The following ATXN1 variants were observed in gnomAD, a reference collection of about 807,000 sequenced individuals.
The protein encoded by ATXN1 is ataxin-1.
ATXN1 carries 8 observed loss-of-function variants against 56.4 expected under a neutral mutation model. That is an observed-to-expected ratio of 0.14 (90% CI 0.08 to 0.26). The LOEUF is 0.26. Ranked by LOEUF, ATXN1 falls within the 10% of genes least tolerant of loss-of-function variation. The pLI is 1.00. For missense variants in ATXN1, 987 were observed against 1,106.5 expected (o/e 0.89, Z 1.53); for synonymous variants, 514 against 494.6 (o/e 1.04, Z -0.52).
chr6:16,673,014 C>T (rs1758577090), intron 2 of ATXN1, among the ~76,000 whole-genome samples: 1 of 122,422 alleles, frequency 8.2e-6, no homozygotes, highest in South Asian at 3.0e-4. Context: ...CTCCGTTCCC[C>T]CCCGCCAAAA....
intron 6 of ATXN1, among the ~76,000 whole-genome samples, chr6:16,454,304 T>C (rs973354326): frequency 3.9e-5 from 6 of 152,082 alleles, no homozygotes; most frequent in African/African-American, 1.2e-4. Context: ...TTCAAAATCA[T>C]TGTTTTCCCC....
intron 3 of ATXN1, among the ~76,000 whole-genome samples, chr6:16,587,930 TAA>T (rs774400213): frequency 1.5e-4 from 19 of 128,742 alleles, no homozygotes; most frequent in Admixed American, 3.2e-4. Flanking sequence ...GAACTCTGTC[TAA>T]AAAAAAAAAA....
intron 2 of ATXN1, among the ~76,000 whole-genome samples, chr6:16,679,440 G>A (rs531200187): frequency 2.0e-5 from 3 of 152,286 alleles, no homozygotes; most frequent in African/African-American, 7.2e-5. Context: ...GGAAAAAAGG[G>A]AGAAAGGGGG....
intron 3 of ATXN1, among the ~76,000 whole-genome samples, chr6:16,595,260 C>CTA (rs1355924983): frequency 6.6e-6 from 1 of 152,192 alleles, no homozygotes; most frequent in African/African-American, 2.4e-5. Flanking sequence ...TTTTGCCAGA[C>CTA]TTAGGCTTAA....
At chr6:16,458,050 G>A (rs902054912) in intron 6 of ATXN1, among the ~76,000 whole-genome samples, 3 of 152,240 alleles carry the variant, frequency 2.0e-5, no homozygotes, top group Non-Finnish European at 4.4e-5. Context: ...GAGATGTCAT[G>A]CTATTGTTAG....
At chr6:16,442,159 C>T (rs1759530631) in intron 6 of ATXN1, among the ~76,000 whole-genome samples, 2 of 152,130 alleles carry the variant, frequency 1.3e-5, no homozygotes. Context: ...AGGCTTCATG[C>T]TAAAAGTCAG....
At chr6:16,530,130 A>G (rs1437307061) in intron 4 of ATXN1, among the ~76,000 whole-genome samples, 3 of 152,216 alleles carry the variant, frequency 2.0e-5, no homozygotes. Context: ...ATAAATATAA[A>G]AATAAGGAAA....
At chr6:16,480,464 T>C (rs2113649595) in intron 6 of ATXN1, among the ~76,000 whole-genome samples, 1 of 152,128 alleles carries the variant, frequency 6.6e-6, no homozygotes, top group Non-Finnish European at 1.5e-5. Flanking sequence ...CGCTGACAAC[T>C]CTTACCCATC....
At chr6:16,699,773 G>C (rs1271809111) in intron 2 of ATXN1, among the ~76,000 whole-genome samples, 1 of 148,072 alleles carries the variant, frequency 6.8e-6, no homozygotes, top group South Asian at 2.1e-4. Context: ...ATGATTCTGA[G>C]TAAGAATCAA....
chr6:16,424,782 G>A (rs1177211490), intron 6 of ATXN1, among the ~76,000 whole-genome samples: 2 of 152,194 alleles, frequency 1.3e-5, no homozygotes, highest in Non-Finnish European at 2.9e-5. Flanking sequence ...GGAAATGTGG[G>A]TGCTCCATGA....
intron 2 of ATXN1, among the ~76,000 whole-genome samples, chr6:16,706,672 C>T (rs186488492): frequency 2.7e-5 from 4 of 148,158 alleles, no homozygotes; most frequent in South Asian, 2.1e-4. Context: ...TGCAGGGAGC[C>T]GAGATTGCAC....
At chr6:16,384,802 G>A (rs1302018439) in intron 6 of ATXN1, among the ~76,000 whole-genome samples, 1 of 152,138 alleles carries the variant, frequency 6.6e-6, no homozygotes, top group Non-Finnish European at 1.5e-5. Context: ...GGCCTCCCCA[G>A]CCATGTTTCC....
intron 6 of ATXN1, among the ~76,000 whole-genome samples, chr6:16,387,761 T>TA (rs1561876484): frequency 6.6e-6 from 1 of 152,204 alleles, no homozygotes; most frequent in Non-Finnish European, 1.5e-5. Flanking sequence ...TCCTTCCACA[T>TA]AAAATATCGA....
chr6:16,472,616 C>T (rs1298512916), intron 6 of ATXN1, among the ~76,000 whole-genome samples: 1 of 152,220 alleles, frequency 6.6e-6, no homozygotes. Context: ...TCACACACTT[C>T]TTTATCAGTC....
intron 6 of ATXN1, among the ~76,000 whole-genome samples, chr6:16,336,323 G>C (rs1254244970): frequency 1.3e-5 from 2 of 152,180 alleles, no homozygotes; most frequent in African/African-American, 4.8e-5. Context: ...TGTAGAAAAG[G>C]GACAGAATGC....
chr6:16,666,727 C>T (rs943304778), intron 2 of ATXN1: 1 of 152,066 alleles, frequency 6.6e-6, no homozygotes, highest in Admixed American at 6.6e-5. Flanking sequence ...GATGGTCTTG[C>T]TCTCCTGACT....
At chr6:16,726,936 C>T (rs1759863431) in intron 2 of ATXN1, among the ~76,000 whole-genome samples, 1 of 152,176 alleles carries the variant, frequency 6.6e-6, no homozygotes, top group Non-Finnish European at 1.5e-5. Context: ...ATATGGAGTA[C>T]AATTAGACAC....
intron 3 of ATXN1, among the ~76,000 whole-genome samples, chr6:16,613,250 C>T (rs1289997681): frequency 1.4e-4 from 16 of 115,678 alleles, no homozygotes; most frequent in African/African-American, 5.2e-4. Context: ...CCGGCCTGGG[C>T]GACAGAGCGA....
rs569447890 is a variant in ATXN1 at position 16,618,636 on chromosome 6, C to T, written c.-488-32729G>A. Among the ~76,000 whole-genome samples the T allele has an allele frequency of 1.5e-4, 22 of 150,968 alleles. No homozygotes were observed. The South Asian group carries it at 3.8e-3, about 26-fold the overall frequency. On this transcript the variant is annotated intron_variant, in intron 3 of 7. Coordinates refer to ENST00000436367, the MANE Select transcript of ATXN1 (RefSeq NM_001128164.2). ...AGTCTGGAGGCTGAAGCAGGAGAAT[C>T]GCTTGAACCCGGGAGGCGGAGGTTG... is the stretch of plus-strand genomic sequence containing the variant.
Sources: gnomAD v4.1 joint callset for allele counts (sites outside exome capture counted in the v4.1 genomes callset) on GRCh38, gnomAD v4.1.1 for gene constraint, MANE v1.5 for transcripts, NCBI Gene and HGNC (gene_info 2026-07-23, HGNC 2026-07-21) for gene names.